Variants in FARP1 observed in about 807,000 individuals in gnomAD.
FARP1 encodes the protein FERM, ARH/RhoGEF and pleckstrin domain protein 1.
Under a neutral mutation model 128.8 loss-of-function variants are expected in FARP1, and 52 were observed. The ratio of observed to expected loss-of-function variants is 0.40; its 90% CI spans 0.32 to 0.51. The LOEUF is 0.51. FARP1 is among the 20% of genes least tolerant of loss of function. FARP1 has a pLI of 0.45. For synonymous variants in FARP1, 580 were observed against 551.8 expected, an observed-to-expected ratio of 1.05 and a Z score of -0.72; for missense variants, 1,333 against 1,367.9, an observed-to-expected ratio of 0.97 and a Z score of 0.40.
intron 16 of FARP1, among the ~76,000 whole-genome samples, chr13:98,416,592 A>G (rs905120013): frequency 2.0e-5 from 3 of 152,220 alleles, no homozygotes; most frequent in East Asian, 3.8e-4. Flanking sequence ...GGTGAGTTCT[A>G]ATAACTTCAG....
chr13:98,373,610 G>C (rs953511641), intron 5 of FARP1, among the ~76,000 whole-genome samples: 2 of 149,774 alleles, frequency 1.3e-5, no homozygotes, highest in African/African-American at 2.5e-5. Flanking sequence ...AGAGACAGAA[G>C]GGTAGAGCAA....
chr13:98,440,281 G>A, intron 23 of FARP1, 46 bp downstream of exon 23: 1 of 1,393,820 alleles, frequency 7.2e-7, no homozygotes, highest in Non-Finnish European at 1.0e-6. Flanking sequence ...TCTGGTTCAT[G>A]GAGGGACAGC....
At chr13:98,310,096 A>G (rs1450875631) in intron 2 of FARP1, among the ~76,000 whole-genome samples, 1 of 120,994 alleles carries the variant, frequency 8.3e-6, no homozygotes, top group Admixed American at 8.5e-5. Flanking sequence ...TTTTTTTCCC[A>G]TAATAGGCTT....
chr13:98,443,103 C>T (rs1186741682), intron 24 of FARP1, among the ~76,000 whole-genome samples: 1 of 152,240 alleles, frequency 6.6e-6, no homozygotes, highest in Non-Finnish European at 1.5e-5. Flanking sequence ...GATCTAGCCC[C>T]GGCCTGGTGG....
At chr13:98,368,302 C>T in intron 5 of FARP1, 107 bp downstream of exon 5, 2 of 840,300 alleles carry the variant, frequency 2.4e-6, no homozygotes, top group Non-Finnish European at 4.0e-6. Context: ...TTTACTTGAC[C>T]AGCATCTGTT....
chr13:98,426,446 C>T (rs1053983143), intron 17 of FARP1, among the ~76,000 whole-genome samples: 22 of 152,258 alleles, frequency 1.4e-4, no homozygotes, highest in African/African-American at 5.3e-4. Context: ...GCCATGATCG[C>T]GCCACTGCAC....
intron 5 of FARP1, 104 bp downstream of exon 5, chr13:98,368,299 G>C (rs1187980628): frequency 1.2e-6 from 1 of 854,742 alleles, no homozygotes; most frequent in Non-Finnish European, 1.9e-6. Flanking sequence ...ATGTTTACTT[G>C]ACCAGCATCT....
At position 98,306,554 on chromosome 13, in the gene FARP1, G is replaced by A. The variant is rs560779336; in HGVS notation, c.172-37208G>A. On this transcript the variant is annotated intron_variant, in intron 2 of 26. Coordinates refer to ENST00000319562, the MANE Select transcript of FARP1 (RefSeq NM_005766.4). ...TTTTGAGAAAGGATCTCACTCTGTT[G>A]CCCAGGCTGGAGTGCAGTCGTGCAA... 6.0e-5 allele frequency among the ~76,000 whole-genome samples: 9 copies of A among 150,766 alleles called. No individual in the cohort carries two copies. In the East Asian group the frequency reaches 1.6e-3, roughly 26 times the overall value.
At chr13:98,255,125 T>G (rs1883522870) in intron 2 of FARP1, among the ~76,000 whole-genome samples, 1 of 152,168 alleles carries the variant, frequency 6.6e-6, no homozygotes, top group South Asian at 2.1e-4. Flanking sequence ...TTTGGCCACC[T>G]TCAGATAAGC....
intron 16 of FARP1, among the ~76,000 whole-genome samples, chr13:98,419,643 A>G (rs1891518043): frequency 6.6e-6 from 1 of 152,116 alleles, no homozygotes; most frequent in South Asian, 2.1e-4. Context: ...ACATAGACAC[A>G]CAAACATACA....
chr13:98,244,297 T>TATTTTTAGTAGAG (rs1882938033), intron 2 of FARP1, among the ~76,000 whole-genome samples: 1 of 151,680 alleles, frequency 6.6e-6, no homozygotes, highest in African/African-American at 2.4e-5. Flanking sequence ...TAAAAAATTG[T>TATTTTTAGTAGAG]ACATAACTAA....
chr13:98,241,375 A>G (rs1566784167), intron 2 of FARP1, among the ~76,000 whole-genome samples: 1 of 152,176 alleles, frequency 6.6e-6, no homozygotes, highest in African/African-American at 2.4e-5. Context: ...AGGCCCTTAA[A>G]TACGGCATGT....
intron 2 of FARP1, among the ~76,000 whole-genome samples, chr13:98,238,428 A>G (rs573288699): frequency 6.6e-6 from 1 of 152,210 alleles, no homozygotes; most frequent in African/African-American, 2.4e-5. Flanking sequence ...TTATGTGTTA[A>G]TCGACTGTAT....
At chr13:98,308,009 C>CA (rs5806057) in intron 2 of FARP1, among the ~76,000 whole-genome samples, 15 of 137,050 alleles carry the variant, frequency 1.1e-4, no homozygotes, top group Non-Finnish European at 1.7e-4. Context: ...TGCCTGCCCC[C>CA]CTCCGCCCGC....
At chr13:98,145,949 A>G (rs1389048525) in intron 1 of FARP1, among the ~76,000 whole-genome samples, 2 of 152,098 alleles carry the variant, frequency 1.3e-5, no homozygotes, top group African/African-American at 4.8e-5. Flanking sequence ...ATAAGATAGC[A>G]TTGAAAGGGT....
At position 98,440,057 on chromosome 13, in the gene FARP1, C is replaced by T. The variant is rs777229337; in HGVS notation, c.2516+14C>T. On this transcript the variant is annotated intron_variant, in intron 22 of 26. Transcript: ENST00000319562. Reference sequence around the variant, plus strand: ...CGTGGCCGCCAGGTAACTCGGGAGCCCGCCCCTTGCCTGTTTCCCCTTTGA... The same window carrying T: ...CGTGGCCGCCAGGTAACTCGGGAGCTCGCCCCTTGCCTGTTTCCCCTTTGA... 1.2e-6 allele frequency: 2 copies of T among 1,608,908 alleles called. No individual in the cohort carries two copies. The highest frequency in any genetic ancestry group is 3.3e-5 in the Admixed American group (2 of 59,950).
At position 98,209,826 on chromosome 13, in the gene FARP1, A is replaced by G. The variant is rs992749919; in HGVS notation, c.-23-3394A>G. 2.4e-4 allele frequency among the ~76,000 whole-genome samples: 25 copies of G among 105,724 alleles called. No homozygotes were observed. The East Asian group carries it at 5.0e-3, about 21-fold the overall frequency. 69.4% of individuals were successfully genotyped at this position (105,724 alleles called of 152,430 possible). Reference sequence around the variant, plus strand: ...AAAAAAAAAAAAAAAAAAAAAAAAAAAAAGAAAAAGCCGGGGGTGGTGGTG... The same window carrying G: ...AAAAAAAAAAAAAAAAAAAAAAAAAGAAAGAAAAAGCCGGGGGTGGTGGTG... On this transcript the variant is annotated intron_variant, in intron 1 of 26. Coordinates refer to ENST00000319562, the MANE Select transcript of FARP1 (RefSeq NM_005766.4).
intron 13 of FARP1, chr13:98,399,202 G>T (rs1890667015): frequency 8.5e-6 from 1 of 117,286 alleles, no homozygotes; most frequent in Non-Finnish European, 2.1e-5. Context: ...ATCCTGATGT[G>T]CTGCGAATAG....
At chr13:98,389,444 C>T (rs1462876094) in intron 9 of FARP1, 1 of 152,694 alleles carries the variant, frequency 6.5e-6, no homozygotes, top group Non-Finnish European at 1.5e-5. Flanking sequence ...CCAAGAGTGA[C>T]ACTTTGTGCT....
Sources: allele counts gnomAD v4.1 joint callset (sites outside exome capture counted in the v4.1 genomes callset), GRCh38; gene constraint gnomAD v4.1.1; transcripts MANE v1.5; gene names NCBI Gene and HGNC (gene_info 2026-07-23, HGNC 2026-07-21).